TFCP2: variants seen among roughly 807,000 people sequenced by gnomAD.
TFCP2 encodes alpha-globin transcription factor CP2.
Under a neutral mutation model 73.4 loss-of-function variants are expected in TFCP2, and 33 were observed. That is an observed-to-expected ratio of 0.45 (90% CI 0.34 to 0.60). The LOEUF (loss-of-function observed/expected upper bound fraction) is 0.60, where lower values mean the gene tolerates loss of function less well. Among genes scored for constraint, TFCP2 ranks in the 20% least tolerant of loss-of-function variants. The pLI is 0.01. For synonymous variants in TFCP2, 193 were observed against 211.6 expected, an observed-to-expected ratio of 0.91 and a Z score of 0.76; for missense variants, 352 against 604.0, an observed-to-expected ratio of 0.58 and a Z score of 4.37.
chr12:51,105,328 G>A (rs1450509256), intron 8 of TFCP2, among the ~76,000 whole-genome samples: 2 of 151,850 alleles, frequency 1.3e-5, no homozygotes, highest in Middle Eastern at 3.2e-3. Context: ...TCCTGACATC[G>A]TAATCTGCCC....
chr12:51,132,810 G>A (rs1043554879), intron 1 of TFCP2, among the ~76,000 whole-genome samples: 2 of 152,130 alleles, frequency 1.3e-5, no homozygotes, highest in African/African-American at 2.4e-5. Context: ...GAGGCCACAC[G>A]GAAAGAGAGC....
At chr12:51,124,284 TG>T (rs771359406) in intron 1 of TFCP2, among the ~76,000 whole-genome samples, 1 of 152,060 alleles carries the variant, frequency 6.6e-6, no homozygotes, top group Non-Finnish European at 1.5e-5. Flanking sequence ...TTTGTAGAGA[TG>T]GGGTCTCATC....
At chr12:51,128,908 A>G (rs934783384) in intron 1 of TFCP2, among the ~76,000 whole-genome samples, 14 of 152,232 alleles carry the variant, frequency 9.2e-5, no homozygotes, top group Non-Finnish European at 1.5e-5. Context: ...CAACTTTTTA[A>G]GTAATTCTAA....
At chr12:51,167,221 TTAAGA>T (rs1251389005) in intron 1 of TFCP2, among the ~76,000 whole-genome samples, 2 of 152,178 alleles carry the variant, frequency 1.3e-5, no homozygotes, top group African/African-American at 4.8e-5. Flanking sequence ...ATAAATCTAA[TTAAGA>T]TGACTCTTTA....
Position 51,119,821 on chromosome 12 carries a change from A to G in TFCP2, c.123-1049T>C, listed in dbSNP as rs183498106. Among the ~76,000 whole-genome samples the G allele has an allele frequency of 2.9e-3, 435 of 152,292 alleles. 2 individuals are homozygous for G. Among genetic ancestry groups the G allele is most frequent in the African/African-American group, 0.01 (421 of 41,576 alleles). On this transcript the variant is annotated intron_variant, in intron 1 of 14. Transcript: ENST00000257915. ...ATCTATTGACCCAGCAATTCCACCC[A>G]TTGGTACTTATCCAAGAAAAATGAA...
At chr12:51,132,204 T>C (rs1940958171) in intron 1 of TFCP2, among the ~76,000 whole-genome samples, 1 of 152,132 alleles carries the variant, frequency 6.6e-6, no homozygotes, top group Non-Finnish European at 1.5e-5. Context: ...CTTTGGTAGC[T>C]AATCTCCAAA....
intron 1 of TFCP2, among the ~76,000 whole-genome samples, chr12:51,121,075 T>C (rs910490274): frequency 2.6e-5 from 4 of 152,012 alleles, no homozygotes; most frequent in African/African-American, 9.7e-5. Flanking sequence ...CACAGAGTAC[T>C]TCTGGGTACA....
intron 1 of TFCP2, among the ~76,000 whole-genome samples, chr12:51,143,727 C>T (rs1941234732): frequency 6.6e-6 from 1 of 152,032 alleles, no homozygotes; most frequent in Non-Finnish European, 1.5e-5. Flanking sequence ...ATTCAAACCC[C>T]TAAGTTTGGT....
intron 12 of TFCP2, among the ~76,000 whole-genome samples, chr12:51,099,129 C>T (rs1403033206): frequency 6.6e-6 from 1 of 152,058 alleles, no homozygotes; most frequent in Non-Finnish European, 1.5e-5. Flanking sequence ...CCGGAGATAA[C>T]AGTAAAATCC....
intron 1 of TFCP2, among the ~76,000 whole-genome samples, chr12:51,161,686 AATAAT>A (rs1192334936): frequency 7.9e-6 from 1 of 127,178 alleles, no homozygotes; most frequent in African/African-American, 2.7e-5. Flanking sequence ...TCTCAAAAAA[AATAAT>A]AATAATAATA....
chr12:51,095,860 T>A, intron 14 of TFCP2, 129 bp downstream of exon 14: 3 of 401,426 alleles, frequency 7.5e-6, no homozygotes, highest in East Asian at 4.4e-5. Context: ...AGGAACAATC[T>A]CTAATATTGT....
chr12:51,096,914 C>T (rs1360784327), intron 13 of TFCP2, among the ~76,000 whole-genome samples: 1 of 151,730 alleles, frequency 6.6e-6, no homozygotes, highest in Non-Finnish European at 1.5e-5. Flanking sequence ...GGGAACGAAA[C>T]AATTTCATCG....
At chr12:51,141,118 G>C (rs1213274435) in intron 1 of TFCP2, among the ~76,000 whole-genome samples, 4 of 150,272 alleles carry the variant, frequency 2.7e-5, no homozygotes, top group African/African-American at 9.8e-5. Context: ...TTTTGGTAGA[G>C]ATGGGGTCTC....
At chr12:51,162,740 A>T (rs1208390666) in intron 1 of TFCP2, among the ~76,000 whole-genome samples, 1 of 152,178 alleles carries the variant, frequency 6.6e-6, no homozygotes, top group Non-Finnish European at 1.5e-5. Flanking sequence ...GCACAATCAC[A>T]GTTCACTGAA....
rs1356689998 is a variant in TFCP2, at chr12:51,116,303, C to G, written c.457+12G>C. On this transcript the variant is annotated intron_variant, in intron 4 of 14. Transcript: ENST00000257915. ...AAAGGCATTTCCTAGGCAATAGATT[C>G]TCTTAACTCACCTATGTCAAGAATT... The G allele has an allele frequency of 1.3e-6, 2 of 1,520,360 alleles. No homozygotes were observed. The highest frequency in any genetic ancestry group is 2.7e-5 in the African/African-American group (2 of 72,778). 94.2% of individuals were successfully genotyped at this position (1,520,360 alleles called of 1,614,324 possible).
chr12:51,103,474 G>T (rs1566199922), intron 10 of TFCP2, among the ~76,000 whole-genome samples, 196 bp downstream of exon 10: 1 of 152,132 alleles, frequency 6.6e-6, no homozygotes, highest in East Asian at 1.9e-4. Context: ...AAAAGTGTTT[G>T]TTTTTAAGTA....
chr12:51,096,703 A>G (rs1352321041), intron 13 of TFCP2, among the ~76,000 whole-genome samples: 1 of 152,218 alleles, frequency 6.6e-6, no homozygotes, highest in Non-Finnish European at 1.5e-5. Context: ...TTTCTGGTAT[A>G]TAATTCTGAA....
At chr12:51,114,590 G>C (rs899305569) in intron 4 of TFCP2, among the ~76,000 whole-genome samples, 5 of 151,072 alleles carry the variant, frequency 3.3e-5, no homozygotes, top group South Asian at 4.2e-4. Context: ...GGGCGACAGA[G>C]GGAGACTCCA....
chr12:51,161,626 G>A (rs544512403), intron 1 of TFCP2, among the ~76,000 whole-genome samples: 6 of 151,088 alleles, frequency 4.0e-5, no homozygotes, highest in Non-Finnish European at 8.8e-5. Context: ...GTTGCGGTGA[G>A]CCAAGATCAT....
Sources: gnomAD v4.1 joint callset for allele counts (sites outside exome capture counted in the v4.1 genomes callset) on GRCh38, gnomAD v4.1.1 for gene constraint, MANE v1.5 for transcripts, NCBI Gene and HGNC (gene_info 2026-07-23, HGNC 2026-07-21) for gene names.